Variants in OTOGL observed in about 807,000 individuals in gnomAD.
OTOGL encodes otogelin like, also known as otogelin-like protein.
OTOGL carries 285 observed loss-of-function variants against 318.5 expected under a neutral mutation model. The observed-to-expected ratio is 0.89, with a 90% CI of 0.81 to 0.99. The LOEUF is 0.99. Ranked by LOEUF, OTOGL falls within the 50% of genes least tolerant of loss-of-function variation. The pLI is 0.00. For missense variants in OTOGL, 2,899 were observed against 2,845.6 expected (o/e 1.02, Z -0.43); for synonymous variants, 987 against 936.5 (o/e 1.05, Z -0.99).
At chr12:80,127,084 G>A (rs1384897955) in intron 1 of OTOGL, among the ~76,000 whole-genome samples, 2 of 152,144 alleles carry the variant, frequency 1.3e-5, no homozygotes, top group Non-Finnish European at 2.9e-5. Context: ...TCCTGTCATT[G>A]TGATGTTAGC....
chr12:80,146,515 TTC>T (rs1283198741), intron 1 of OTOGL, among the ~76,000 whole-genome samples: 2 of 151,780 alleles, frequency 1.3e-5, no homozygotes, highest in Non-Finnish European at 2.9e-5. Context: ...TGGTCTAAAA[TTC>T]TCTTTTTTGG....
At chr12:80,196,084 A>G (rs1258927911) in intron 1 of OTOGL, among the ~76,000 whole-genome samples, 1 of 152,052 alleles carries the variant, frequency 6.6e-6, no homozygotes, top group Non-Finnish European at 1.5e-5. Flanking sequence ...CTCTTTCTCT[A>G]CTAATAAGTG....
In OTOGL at chr12:80,254,957, AC is replaced by A. The variant is rs1247327509; in HGVS notation, c.1442-81del. 4.4e-6 allele frequency: 5 copies of A among 1,137,424 alleles called. No individual in the cohort carries two copies. In the East Asian group the frequency reaches 1.4e-4, roughly 32 times the overall value. The allele number at this position is 1,137,424 out of a possible 1,614,324, so 70.5% of individuals were successfully genotyped here. ...AAGTTGATCTGCTTTTAAAGGATTA[AC>A]CTAATGGTATCATCCTCCTCTCTCT... On this transcript the variant is annotated intron_variant, in intron 15 of 58. Transcript: ENST00000547103.
At position 80,236,824 on chromosome 12, in the gene OTOGL, T is replaced by C. The variant is rs553271653; in HGVS notation, c.818-2027T>C. On this transcript the variant is annotated intron_variant, in intron 9 of 58. Transcript: ENST00000547103. ...TTTTTTCTTTTTCTTTTCTTTTTTT[T>C]TTTTGTTTGAGACAGGGTCTTTCTC... Among the ~76,000 whole-genome samples, 96 of 149,362 alleles carry C rather than the reference T, an allele frequency of 6.4e-4. 1 individual carries two copies. Among genetic ancestry groups the C allele is most frequent in the African/African-American group, 2.1e-3 (87 of 40,926 alleles).
chr12:80,149,775 C>T (rs1412835576), intron 1 of OTOGL, among the ~76,000 whole-genome samples: 1 of 152,202 alleles, frequency 6.6e-6, no homozygotes, highest in African/African-American at 2.4e-5. Context: ...TTGTGGTGCA[C>T]CGTTTTTTAA....
chr12:80,112,686 G>T (rs1227304932), intron 1 of OTOGL, among the ~76,000 whole-genome samples: 1 of 150,318 alleles, frequency 6.7e-6, no homozygotes, highest in Non-Finnish European at 1.5e-5. Flanking sequence ...GTTCATTAGG[G>T]ATATTTGCCT....
chr12:80,374,741 A>G (rs10746161), intron 57 of OTOGL, among the ~76,000 whole-genome samples: 129,078 of 151,736 alleles, frequency 0.85, 54,944 homozygotes, highest in South Asian at 0.88. Flanking sequence ...CCTGGCTTCT[A>G]TATCCCCATG....
chr12:80,350,453 A>T (rs4842281), intron 44 of OTOGL, among the ~76,000 whole-genome samples: 151,680 of 152,308 alleles, frequency 1, 75,531 homozygotes, highest in Non-Finnish European at 1. Context: ...ATAATATTAC[A>T]ATCTTTAATT....
intron 1 of OTOGL, among the ~76,000 whole-genome samples, chr12:80,122,639 AAT>A (rs1333334372): frequency 6.6e-6 from 1 of 152,172 alleles, no homozygotes; most frequent in East Asian, 1.9e-4. Flanking sequence ...AAGCAAAAGA[AAT>A]GAGGCACATT....
intron 24 of OTOGL, among the ~76,000 whole-genome samples, chr12:80,272,769 A>G (rs1883515060): frequency 6.6e-6 from 1 of 152,248 alleles, no homozygotes; most frequent in Admixed American, 6.5e-5. Context: ...TTGAAGAGCC[A>G]AGTAACTTGG....
In OTOGL at chr12:80,334,407, A is replaced by G. The variant is rs1888267005; in HGVS notation, c.4422+1329A>G. Among the ~76,000 whole-genome samples, 3 of 152,174 alleles carry G rather than the reference A, an allele frequency of 2.0e-5. No homozygotes were observed. In the South Asian group the frequency reaches 6.2e-4, roughly 31 times the overall value. On this transcript the variant is annotated intron_variant, in intron 38 of 58. Transcript: ENST00000547103. ...GTGAAGCTTGAGATTCCTCACAGAC[A>G]GCAAAAAGCTGTGGACATATAGATT...
intron 1 of OTOGL, among the ~76,000 whole-genome samples, chr12:80,113,558 G>A (rs1413324719): frequency 6.6e-6 from 1 of 152,066 alleles, no homozygotes; most frequent in Admixed American, 6.6e-5. Context: ...GTAATTGTGT[G>A]GTTTTGATTG....
At chr12:80,208,215 T>G (rs1200041196) in intron 1 of OTOGL, 3 of 517,954 alleles carry the variant, frequency 5.8e-6, no homozygotes, top group Non-Finnish European at 1.2e-5. Context: ...GGAAAGGAAT[T>G]ATGGTTATCT....
intron 24 of OTOGL, among the ~76,000 whole-genome samples, chr12:80,277,846 T>C (rs1179880623): frequency 6.6e-6 from 1 of 151,516 alleles, no homozygotes; most frequent in Non-Finnish European, 1.5e-5. Flanking sequence ...GGGACTCTCA[T>C]TTCCTCTATA....
chr12:80,239,987 T>C (rs10862081), intron 11 of OTOGL, among the ~76,000 whole-genome samples: 107,790 of 151,948 alleles, frequency 0.71, 40,952 homozygotes, highest in East Asian at 1. Flanking sequence ...GATATTTGTC[T>C]TTCTGTTTGG....
At chr12:80,243,852 C>T (rs1169958688) in intron 11 of OTOGL, among the ~76,000 whole-genome samples, 1 of 142,814 alleles carries the variant, frequency 7.0e-6, no homozygotes. Context: ...ATCATATATA[C>T]ATATATATAT....
At chr12:80,355,672 ATGG>A (rs1466415094) in intron 46 of OTOGL, 61 bp from the exon 47 acceptor site, 28 of 1,380,348 alleles carry the variant, frequency 2.0e-5, no homozygotes, top group Admixed American at 4.3e-5. Flanking sequence ...AAACCAAAAC[ATGG>A]TGGCATGATT....
At chr12:80,201,934 C>G (rs540593079) in intron 1 of OTOGL, among the ~76,000 whole-genome samples, 1 of 152,142 alleles carries the variant, frequency 6.6e-6, no homozygotes, top group Non-Finnish European at 1.5e-5. Flanking sequence ...AATCCAAAAG[C>G]ATTCCTGCCT....
intron 27 of OTOGL, among the ~76,000 whole-genome samples, chr12:80,297,486 C>T (rs1885489494): frequency 6.6e-6 from 1 of 152,056 alleles, no homozygotes; most frequent in Admixed American, 6.6e-5. Context: ...ATGCACGCCA[C>T]CACGCCTGGC....
Sources: gnomAD v4.1 joint callset for allele counts (sites outside exome capture counted in the v4.1 genomes callset) on GRCh38, gnomAD v4.1.1 for gene constraint, MANE v1.5 for transcripts, NCBI Gene and HGNC (gene_info 2026-07-23, HGNC 2026-07-21) for gene names.